Variants in MERTK observed in about 807,000 individuals in gnomAD.
The protein encoded by MERTK is tyrosine-protein kinase Mer.
In MERTK, 69 loss-of-function variants were observed where a neutral mutation model predicts 99.3. The observed-to-expected ratio is 0.70, with a 90% CI of 0.57 to 0.85. The LOEUF is 0.85. MERTK is among the 40% of genes least tolerant of loss of function. MERTK has a pLI of 0.00. For missense variants in MERTK, 1,125 were observed against 1,249.4 expected, an observed-to-expected ratio of 0.90 and a Z score of 1.50; for synonymous variants, 426 against 467.6, an observed-to-expected ratio of 0.91 and a Z score of 1.15.
intron 2 of MERTK, among the ~76,000 whole-genome samples, chr2:111,932,442 A>G (rs1374352605): frequency 6.6e-6 from 1 of 152,086 alleles, no homozygotes; most frequent in African/African-American, 2.4e-5. Context: ...CAGCCTCCCA[A>G]AGTGCTGGGA....
At chr2:111,973,899 A>T (rs991981041) in intron 6 of MERTK, among the ~76,000 whole-genome samples, 3 of 148,360 alleles carry the variant, frequency 2.0e-5, no homozygotes, top group Non-Finnish European at 4.5e-5. Flanking sequence ...TGGTGGAGTT[A>T]TGGAGGGAAA....
At chr2:111,989,191 C>G (rs971713670) in intron 8 of MERTK, among the ~76,000 whole-genome samples, 1 of 151,938 alleles carries the variant, frequency 6.6e-6, no homozygotes, top group Admixed American at 6.6e-5. Context: ...AAGAACAGGA[C>G]GTGTTTTGCA....
intron 9 of MERTK, chr2:111,997,091 A>G: frequency 1.5e-6 from 1 of 671,406 alleles, no homozygotes; most frequent in South Asian, 1.5e-5. Context: ...GTACAGTGTG[A>G]CATTTTGATC....
At chr2:112,027,728 G>C (rs1677497236) in intron 18 of MERTK, among the ~76,000 whole-genome samples, 1 of 152,164 alleles carries the variant, frequency 6.6e-6, no homozygotes, top group Non-Finnish European at 1.5e-5. Context: ...CTGTTGAGAA[G>C]ACTAGATGGA....
intron 1 of MERTK, among the ~76,000 whole-genome samples, chr2:111,911,351 A>G (rs1397296742): frequency 1.3e-5 from 2 of 151,992 alleles, no homozygotes; most frequent in Non-Finnish European, 2.9e-5. Context: ...TAAATATACC[A>G]TAGTTTTATT....
intron 1 of MERTK, among the ~76,000 whole-genome samples, chr2:111,908,738 C>T (rs562871351): frequency 1.3e-4 from 20 of 152,276 alleles, no homozygotes; most frequent in African/African-American, 4.8e-4. Flanking sequence ...AAGTCAATGA[C>T]CTGGCTCTTG....
chr2:111,974,546 G>T (rs1044860605), intron 6 of MERTK, among the ~76,000 whole-genome samples: 3 of 152,024 alleles, frequency 2.0e-5, no homozygotes, highest in Non-Finnish European at 4.4e-5. Flanking sequence ...AAGGCAGGTG[G>T]ATCACCTGAG....
At chr2:112,015,651 C>T (rs183595973) in intron 15 of MERTK, among the ~76,000 whole-genome samples, 10 of 151,698 alleles carry the variant, frequency 6.6e-5, no homozygotes, top group East Asian at 5.8e-4. Flanking sequence ...TCTCTTAACA[C>T]GGGCAAAAAT....
chr2:112,022,522 G>C (rs1182278770), intron 18 of MERTK, 128 bp downstream of exon 18: 7 of 1,410,696 alleles, frequency 5.0e-6, no homozygotes, highest in Non-Finnish European at 7.0e-6. Context: ...ATGTGCAGAG[G>C]GGTGGAACCC....
chr2:111,922,063 T>C lies in MERTK; in HGVS notation c.62-7057T>C, dbSNP rs1470461313. 3.3e-5 allele frequency among the ~76,000 whole-genome samples: 5 copies of C among 152,186 alleles called. No homozygotes were observed. In the East Asian group the frequency reaches 9.6e-4, roughly 29 times the overall value. ...CTCTCTTCCCAGGTGCCTGGGATCA[T>C]AAAGCAGGCTGATGGCACACAGCAT... is the stretch of plus-strand genomic sequence containing the variant. On this transcript the variant is annotated intron_variant, in intron 1 of 18. Transcript: ENST00000295408.
chr2:111,928,584 C>G (rs998183429), intron 1 of MERTK, among the ~76,000 whole-genome samples: 1 of 152,200 alleles, frequency 6.6e-6, no homozygotes, highest in Non-Finnish European at 1.5e-5. Context: ...CTCCCAGGTT[C>G]AAGCTGTTCT....
intron 1 of MERTK, 134 bp downstream of exon 1, chr2:111,898,930 G>T: frequency 1.0e-6 from 1 of 957,102 alleles, no homozygotes; most frequent in Non-Finnish European, 1.5e-6. Flanking sequence ...TCCACCCACT[G>T]CGGTGCCAGA....
At chr2:111,928,552 C>T (rs1194147252) in intron 1 of MERTK, among the ~76,000 whole-genome samples, 1 of 152,174 alleles carries the variant, frequency 6.6e-6, no homozygotes, top group Non-Finnish European at 1.5e-5. Flanking sequence ...GTGGTGCTAC[C>T]TTGGCTCACT....
intron 10 of MERTK, among the ~76,000 whole-genome samples, chr2:111,999,909 G>A (rs1306796327): frequency 2.0e-4 from 31 of 152,182 alleles, no homozygotes; most frequent in Admixed American, 2.0e-3. Context: ...TTGTAAGCAG[G>A]GGGTGGATCT....
chr2:111,931,028 C>T (rs1684660531), intron 2 of MERTK, among the ~76,000 whole-genome samples: 1 of 152,154 alleles, frequency 6.6e-6, no homozygotes, highest in Non-Finnish European at 1.5e-5. Context: ...GGAGTGGAGC[C>T]TTCTTTGATC....
chr2:111,945,232 A>G (rs563192417), intron 3 of MERTK, among the ~76,000 whole-genome samples, 172 bp downstream of exon 3: 9 of 152,356 alleles, frequency 5.9e-5, no homozygotes, highest in African/African-American at 2.2e-4. Flanking sequence ...TTTGTAGTCT[A>G]TAAGTAATAA....
chr2:111,929,621 C>A, intron 2 of MERTK, 81 bp downstream of exon 2: 1 of 883,852 alleles, frequency 1.1e-6, no homozygotes, highest in Non-Finnish European at 1.6e-6. Context: ...GAGTATCATT[C>A]TGTAGCCCAG....
chr2:111,916,282 C>T (rs961952583), intron 1 of MERTK, among the ~76,000 whole-genome samples: 4 of 152,070 alleles, frequency 2.6e-5, no homozygotes, highest in Non-Finnish European at 4.4e-5. Context: ...CGAGAGCCAC[C>T]GCGCCTGGCC....
At chr2:112,024,449 C>T (rs957776250) in intron 18 of MERTK, among the ~76,000 whole-genome samples, 2 of 152,208 alleles carry the variant, frequency 1.3e-5, no homozygotes, top group Non-Finnish European at 2.9e-5. Context: ...CAGAGAGGGG[C>T]GAACCTGCCA....
Sources: gnomAD v4.1 joint callset for allele counts (sites outside exome capture counted in the v4.1 genomes callset) on GRCh38, gnomAD v4.1.1 for gene constraint, MANE v1.5 for transcripts, NCBI Gene and HGNC (gene_info 2026-07-23, HGNC 2026-07-21) for gene names.